ZNF284: variants seen among roughly 807,000 people sequenced by gnomAD.
ZNF284 encodes zinc finger protein 284.
ZNF284 carries 12 observed loss-of-function variants against 12.9 expected under a neutral mutation model. That is an observed-to-expected ratio of 0.93 (90% confidence interval 0.60 to 1.51). The LOEUF is 1.51. Among genes scored for constraint, ZNF284 ranks in the 40% most tolerant of loss-of-function variants. ZNF284 has a pLI of 0.00. For missense variants in ZNF284, 667 were observed against 707.3 expected, an observed-to-expected ratio of 0.94 and a Z score of 0.65; for synonymous variants, 225 against 236.5, an observed-to-expected ratio of 0.95 and a Z score of 0.45.
chr19:44,081,818 C>T (rs1264155465), intron 3 of ZNF284, among the ~76,000 whole-genome samples, 195 bp from the exon 4 acceptor site: 1 of 152,042 alleles, frequency 6.6e-6, no homozygotes, highest in Admixed American at 6.6e-5. Flanking sequence ...GAGGAAACTG[C>T]CCCCATGATT....
rs141049159 is a variant in ZNF284 at position 44,077,288 on chromosome 19, T to C, written c.15+884T>C. On this transcript the variant is annotated intron_variant, in intron 2 of 4. Transcript: ENST00000421176. ...ACAAGGATTTCTGGAGATTTTCACA[T>C]AGGAAGAGCTAGCTTTTGTTTTCCC... Among the ~76,000 whole-genome samples, 1,122 of 152,336 alleles carry C rather than the reference T, an allele frequency of 7.4e-3. 9 individuals are homozygous for C. The highest frequency in any genetic ancestry group is 0.055 in the South Asian group (266 of 4,826).
intron 4 of ZNF284, among the ~76,000 whole-genome samples, chr19:44,083,726 C>T (rs56320525): frequency 0.52 from 79,380 of 151,214 alleles, 22,708 homozygotes; most frequent in Non-Finnish European, 0.66. Context: ...TCCTGTCACC[C>T]AGGTACTGAG....
intron 3 of ZNF284, among the ~76,000 whole-genome samples, chr19:44,081,512 C>T (rs1271607994): frequency 2.0e-5 from 3 of 151,882 alleles, no homozygotes; most frequent in East Asian, 3.9e-4. Context: ...GAGATGGAGA[C>T]CATTCTGGCT....
intron 4 of ZNF284, among the ~76,000 whole-genome samples, chr19:44,083,587 C>G (rs1422556921): frequency 6.7e-6 from 1 of 149,676 alleles, no homozygotes; most frequent in African/African-American, 2.5e-5. Flanking sequence ...TCATCTCTAC[C>G]CACTGGAATG....
At chr19:44,074,726 T>C (rs1050701225) in intron 1 of ZNF284, among the ~76,000 whole-genome samples, 1 of 152,158 alleles carries the variant, frequency 6.6e-6, no homozygotes, top group African/African-American at 2.4e-5. Context: ...TGTAGCACTT[T>C]GGGAGGCCGA....
Position 44,085,800 on chromosome 19 carries a change from G to C in ZNF284, c.322G>C (p.Ala108Pro), listed in dbSNP as rs776018033. ...TTGCCAGCAAATCTGGGAACAAACT[G>C]CAAGTGAGTTAACTAGACCTCAAGA... is the stretch of plus-strand genomic sequence containing the variant. ...WSCQQIWEQT[A>P]SELTRPQDSI... is the part of the protein sequence containing the mutation. Residue 108 changes from alanine to proline, a missense_variant, in exon 5 of 5, where the codon GCA becomes CCA. Ala to Pro is a conservative substitution (Grantham distance 27, BLOSUM62 -1). Transcript: ENST00000421176. 3 of 1,614,090 alleles carry C rather than the reference G, an allele frequency of 1.9e-6. No individual in the cohort carries two copies. In the Admixed American group the frequency reaches 5.0e-5, roughly 27 times the overall value.
intron 1 of ZNF284, among the ~76,000 whole-genome samples, chr19:44,075,156 A>C (rs1417506600): frequency 3.4e-4 from 51 of 152,100 alleles, no homozygotes; most frequent in Admixed American, 3.3e-3. Context: ...TCCATATTTA[A>C]ATTTATTCAG....
intron 2 of ZNF284, among the ~76,000 whole-genome samples, chr19:44,077,895 T>G (rs1441389057): frequency 6.6e-6 from 1 of 152,134 alleles, no homozygotes; most frequent in Non-Finnish European, 1.5e-5. Context: ...TGACCCCTCC[T>G]CGGGGGTCCT....
At chr19:44,078,408 T>G (rs1967067795) in intron 2 of ZNF284, among the ~76,000 whole-genome samples, 1 of 152,212 alleles carries the variant, frequency 6.6e-6, no homozygotes, top group Non-Finnish European at 1.5e-5. Flanking sequence ...TGATCACAAT[T>G]TTAAACATTC....
chr19:44,077,635 CTTTG>C (rs1967053642), intron 2 of ZNF284, among the ~76,000 whole-genome samples: 1 of 143,962 alleles, frequency 6.9e-6, no homozygotes, highest in Non-Finnish European at 1.5e-5. Context: ...TGTTCTATTC[CTTTG>C]TTTGTTCCTC....
Position 44,076,365 on chromosome 19 carries a change from C to G in ZNF284, c.-25C>G, listed in dbSNP as rs1470475518. 2 of 1,608,910 alleles carry G rather than the reference C, an allele frequency of 1.2e-6. No individual in the cohort carries two copies. The highest frequency in any genetic ancestry group is 2.2e-5 in the South Asian group (2 of 90,128). Reference sequence around the variant, plus strand: ...TTGAACTGCATAACTGAGAACTCTGCAAATTCCCCAAAGAAGGAGGAAAAA... The same window carrying G: ...TTGAACTGCATAACTGAGAACTCTGGAAATTCCCCAAAGAAGGAGGAAAAA... On this transcript the variant is annotated 5_prime_UTR_variant, in exon 2 of 5. Transcript: ENST00000421176.
rs1967242392 is a variant in ZNF284, at chr19:44,086,234, A to G, written c.756A>G (p.Leu252=). ...RRSGMYVHCK[L]HTGEKPHICE... is the part of the protein sequence containing the mutation. ...CAGGAATGTATGTTCATTGCAAATT[A>G]CACACAGGAGAAAAACCTCATATTT... The change falls in exon 5 of 5, where the codon TTA becomes TTG. Residue 252 remains leucine (L), a synonymous_variant. Coordinates refer to ENST00000421176, the MANE Select transcript of ZNF284 (RefSeq NM_001037813.4). 6.2e-7 allele frequency: 1 copy of G among 1,614,096 alleles called. No homozygotes were observed. The highest frequency in any genetic ancestry group is 1.7e-5 in the Admixed American group (1 of 60,006).
At chr19:44,077,684 T>C (rs1294936401) in intron 2 of ZNF284, among the ~76,000 whole-genome samples, 1 of 152,102 alleles carries the variant, frequency 6.6e-6, no homozygotes, top group Non-Finnish European at 1.5e-5. Context: ...CAGCCTCATC[T>C]TCCTCTTAAA....
rs370530079 is a variant in ZNF284 at position 44,086,649 on chromosome 19, C to G, written c.1171C>G (p.Arg391Gly). Reference sequence around the variant, plus strand: ...GTCCTCATGTCTTTCAAGACATCAGCGGGTCCACAATGGAGAAACAACATT... The same window carrying G: ...GTCCTCATGTCTTTCAAGACATCAGGGGGTCCACAATGGAGAAACAACATT... ...RWSSCLSRHQ[R>G]VHNGETTFKC... is the part of the protein sequence containing the mutation. Residue 391 changes from arginine to glycine, a missense_variant, in exon 5 of 5, where the codon CGG becomes GGG. Coordinates refer to ENST00000421176, the MANE Select transcript of ZNF284 (RefSeq NM_001037813.4). The G allele has an allele frequency of 6.2e-7, 1 of 1,613,660 alleles. No homozygotes were observed. The highest frequency in any genetic ancestry group is 8.5e-7 in the Non-Finnish European group (1 of 1,179,918).
Position 44,081,105 on chromosome 19 carries a change from G to A in ZNF284, c.106G>A (p.Val36Ile), listed in dbSNP as rs763417002. ...TTCCCAGAGGAAGCTGTATCGAGAT[G>A]TCATGCTGGAGAACTTCAGAAACCT... ...DVSQRKLYRD[V>I]MLENFRNLLS... Residue 36 changes from valine to isoleucine, a missense_variant, in exon 3 of 5, where the codon GTC becomes ATC. Transcript: ENST00000421176. 2.5e-6 allele frequency: 4 copies of A among 1,612,890 alleles called. No homozygotes were observed. The highest frequency in any genetic ancestry group is 1.7e-5 in the Admixed American group (1 of 59,964).
chr19:44,078,893 C>T (rs1452478474), intron 2 of ZNF284, among the ~76,000 whole-genome samples: 3 of 152,186 alleles, frequency 2.0e-5, no homozygotes, highest in Middle Eastern at 3.4e-3. Context: ...TGGGTTCAAA[C>T]GATTCTTCTG....
chr19:44,076,833 T>C (rs75279480), intron 2 of ZNF284, among the ~76,000 whole-genome samples: 77 of 127,178 alleles, frequency 6.1e-4, no homozygotes, highest in Admixed American at 1.2e-3. Context: ...TTTTTTTTTT[T>C]CCTCGAGACA....
intron 2 of ZNF284, among the ~76,000 whole-genome samples, chr19:44,079,384 G>C (rs1967082019): frequency 6.6e-6 from 1 of 152,144 alleles, no homozygotes. Context: ...ACCTGAGGTC[G>C]GGAGTTTGAG....
At chr19:44,079,706 C>CA (rs888480023) in intron 2 of ZNF284, among the ~76,000 whole-genome samples, 36 of 149,960 alleles carry the variant, frequency 2.4e-4, no homozygotes, top group South Asian at 1.1e-3. Context: ...GACTCCATCT[C>CA]AAAAAAAACA....
Sources: gnomAD v4.1 joint callset for allele counts (sites outside exome capture counted in the v4.1 genomes callset) on GRCh38, gnomAD v4.1.1 for gene constraint, MANE v1.5 for transcripts, NCBI Gene and HGNC (gene_info 2026-07-23, HGNC 2026-07-21) for gene names.